The following ZNF407 variants were observed in gnomAD, a reference collection of about 807,000 sequenced individuals.
The protein encoded by ZNF407 is zinc finger protein 407.
Under a neutral mutation model 131.2 loss-of-function variants are expected in ZNF407, and 17 were observed. That is an observed-to-expected ratio of 0.13 (90% CI 0.09 to 0.19). The LOEUF (loss-of-function observed/expected upper bound fraction) is 0.19, where lower values mean the gene tolerates loss of function less well. Among genes scored for constraint, ZNF407 ranks in the 10% least tolerant of loss-of-function variants. The probability of loss-of-function intolerance (pLI) is 1.00; values close to 1 mark genes in which losing one functional copy is unlikely to be tolerated. For missense variants in ZNF407, 2,681 were observed against 2,830.6 expected, an observed-to-expected ratio of 0.95 and a Z score of 1.20; for synonymous variants, 1,156 against 1,062.0, an observed-to-expected ratio of 1.09 and a Z score of -1.72.
chr18:74,954,682 A>G (rs1217099080), intron 8 of ZNF407, among the ~76,000 whole-genome samples: 1 of 152,162 alleles, frequency 6.6e-6, no homozygotes, highest in Middle Eastern at 3.2e-3. Flanking sequence ...ACATATTTTT[A>G]TATTTACATT....
intron 4 of ZNF407, among the ~76,000 whole-genome samples, chr18:74,825,535 A>C (rs753036925): frequency 1.3e-5 from 2 of 152,154 alleles, no homozygotes; most frequent in Non-Finnish European, 2.9e-5. Flanking sequence ...TATGGTTTTG[A>C]AACTTATTTA....
chr18:74,633,945 T>C lies in ZNF407; in HGVS notation c.2926T>C (p.Ser976Pro). The C allele has an allele frequency of 4.3e-6, 7 of 1,614,008 alleles. No individual in the cohort carries two copies. The highest frequency in any genetic ancestry group is 5.9e-6 in the Non-Finnish European group (7 of 1,179,890). Residue 976 changes from serine (S) to proline (P), a missense_variant, in exon 2 of 9, where the codon TCT (serine) becomes CCT (proline). Ser to Pro is a moderately conservative substitution (Grantham distance 74, BLOSUM62 -1). This residue lies in a region of ZNF407 where 1,789 missense variants were observed against 1,748.7 expected (regional missense o/e 1.02). Transcript: ENST00000299687. ...AGCTGAAGTTGAAAATGTATTTCATTCTCTAGATGGAGAAGTTAACAGCCA... is the reference window on the plus strand; with the variant it reads ...AGCTGAAGTTGAAAATGTATTTCATCCTCTAGATGGAGAAGTTAACAGCCA... ...IEAEVENVFHSLDGEVNSHLL... is the reference protein window; with the variant it reads ...IEAEVENVFHPLDGEVNSHLL...
intron 8 of ZNF407, among the ~76,000 whole-genome samples, chr18:75,057,028 T>C (rs543930938): frequency 1.3e-5 from 2 of 152,352 alleles, no homozygotes; most frequent in Non-Finnish European, 2.9e-5. Context: ...TGCAATGTCA[T>C]GTGTGTCCCA....
chr18:74,904,780 G>A (rs1971573848), intron 7 of ZNF407, among the ~76,000 whole-genome samples: 1 of 152,198 alleles, frequency 6.6e-6, no homozygotes, highest in African/African-American at 2.4e-5. Context: ...TCACAGTCCT[G>A]AAACAGAAGG....
intron 8 of ZNF407, among the ~76,000 whole-genome samples, chr18:75,053,672 T>C (rs1179933958): frequency 6.6e-6 from 1 of 152,230 alleles, no homozygotes; most frequent in Non-Finnish European, 1.5e-5. Flanking sequence ...ATGAAGATAG[T>C]AGTTTCTACT....
chr18:75,003,399 C>T (rs1020548000), intron 8 of ZNF407, among the ~76,000 whole-genome samples: 3 of 152,108 alleles, frequency 2.0e-5, no homozygotes, highest in Non-Finnish European at 2.9e-5. Flanking sequence ...GTGTACATCC[C>T]TTGGACAAGT....
intron 3 of ZNF407, among the ~76,000 whole-genome samples, chr18:74,724,181 ATT>A (rs1362998348): frequency 2.0e-5 from 3 of 152,038 alleles, no homozygotes; most frequent in East Asian, 1.9e-4. Context: ...ATAAAATTTT[ATT>A]TTATTTTTTG....
chr18:74,665,712 A>T (rs891965186), intron 3 of ZNF407, among the ~76,000 whole-genome samples: 3 of 152,042 alleles, frequency 2.0e-5, no homozygotes, highest in African/African-American at 7.2e-5. Flanking sequence ...AAATAAACTG[A>T]CACCTGTGTA....
chr18:74,646,567 C>T (rs1025777328), intron 3 of ZNF407, among the ~76,000 whole-genome samples: 1 of 152,098 alleles, frequency 6.6e-6, no homozygotes. Context: ...CTCTCTACCT[C>T]AGTTAGGAAC....
intron 3 of ZNF407, among the ~76,000 whole-genome samples, chr18:74,708,128 TAAA>T (rs1967670443): frequency 2.0e-5 from 3 of 152,098 alleles, no homozygotes; most frequent in African/African-American, 7.2e-5. Flanking sequence ...AAACAACAAA[TAAA>T]AAAATCCCAA....
chr18:75,032,440 G>A (rs1464406058), intron 8 of ZNF407, among the ~76,000 whole-genome samples: 1 of 152,114 alleles, frequency 6.6e-6, no homozygotes, highest in Non-Finnish European at 1.5e-5. Context: ...ATTTGATGTT[G>A]TTATGCTTTT....
intron 8 of ZNF407, among the ~76,000 whole-genome samples, chr18:75,053,967 T>C (rs1973531772): frequency 6.6e-6 from 1 of 152,232 alleles, no homozygotes; most frequent in South Asian, 2.1e-4. Flanking sequence ...TCCTGCACCC[T>C]TTCTCCTGCT....
chr18:74,815,264 T>A (rs941501322), intron 4 of ZNF407, among the ~76,000 whole-genome samples: 2 of 152,178 alleles, frequency 1.3e-5, no homozygotes, highest in African/African-American at 2.4e-5. Context: ...TTGCCCAGGC[T>A]GGACTATGAT....
intron 8 of ZNF407, among the ~76,000 whole-genome samples, chr18:75,019,259 C>T (rs1973079317): frequency 6.6e-6 from 1 of 151,986 alleles, no homozygotes; most frequent in South Asian, 2.1e-4. Flanking sequence ...AAATAAAATT[C>T]AGATAATAGA....
At chr18:74,749,066 A>G (rs1968736901) in intron 3 of ZNF407, among the ~76,000 whole-genome samples, 1 of 152,150 alleles carries the variant, frequency 6.6e-6, no homozygotes, top group Non-Finnish European at 1.5e-5. Flanking sequence ...GTGACAATAA[A>G]ACAGCAGGTG....
chr18:74,702,745 G>A (rs543812719), intron 3 of ZNF407, among the ~76,000 whole-genome samples: 158 of 152,116 alleles, frequency 1.0e-3, no homozygotes, highest in African/African-American at 2.5e-3. Flanking sequence ...ATATGCATAC[G>A]TATATTCAGG....
At position 74,632,244 on chromosome 18, in the gene ZNF407, A is replaced by C. The variant is rs1317992703; in HGVS notation, c.1225A>C (p.Ser409Arg). The C allele has an allele frequency of 6.2e-7, 1 of 1,613,872 alleles. No homozygotes were observed. Among genetic ancestry groups the C allele is most frequent in the African/African-American group, 1.3e-5 (1 of 74,946 alleles). The change falls in exon 2 of 9, where the codon AGT (serine) becomes CGT (arginine). Residue 409 changes from serine to arginine, a missense_variant. Physicochemically the swap from Ser to Arg is moderately radical, Grantham distance 110. Coordinates refer to ENST00000299687, the MANE Select transcript of ZNF407 (RefSeq NM_017757.3). ...TACCCTTCAGGCAGCACACGGTAAC[A>C]GTGTAACCTCGAGGCCAAGACCTGA... Reference protein sequence around the residue: ...KNTLQAAHGNSVTSRPRPERN... With the variant: ...KNTLQAAHGNRVTSRPRPERN...
At chr18:74,815,160 T>G (rs1970250844) in intron 4 of ZNF407, among the ~76,000 whole-genome samples, 1 of 152,062 alleles carries the variant, frequency 6.6e-6, no homozygotes, top group African/African-American at 2.4e-5. Flanking sequence ...ATTATAAAAA[T>G]TAGGGTTATT....
chr18:74,876,295 T>C (rs1971155116), intron 4 of ZNF407, among the ~76,000 whole-genome samples: 1 of 152,226 alleles, frequency 6.6e-6, no homozygotes, highest in African/African-American at 2.4e-5. Context: ...TTATTGAGTT[T>C]TACTTTGCTT....
Sources: gnomAD v4.1 joint callset for allele counts (sites outside exome capture counted in the v4.1 genomes callset) on GRCh38, gnomAD v4.1.1 for gene constraint, gnomAD v4.1.1 regional missense constraint, MANE v1.5 for transcripts, NCBI Gene and HGNC (gene_info 2026-07-23, HGNC 2026-07-21) for gene names.